NTN5: variants seen among roughly 807,000 people sequenced by gnomAD.
The protein encoded by NTN5 is netrin 5.
A neutral mutation model predicts 38.7 loss-of-function variants in NTN5; 42 were observed. That is an observed-to-expected ratio of 1.08 (90% CI 0.85 to 1.40). The LOEUF (loss-of-function observed/expected upper bound fraction) is 1.40. Ranked by LOEUF, NTN5 falls within the 40% of genes most tolerant of loss-of-function variation. NTN5 has a pLI of 0.00. For missense variants in NTN5, 658 were observed against 716.5 expected, an observed-to-expected ratio of 0.92 and a Z score of 0.93; for synonymous variants, 329 against 303.9, an observed-to-expected ratio of 1.08 and a Z score of -0.86.
At chr19:48,671,240 C>T (rs2031955306) in intron 1 of NTN5, among the ~76,000 whole-genome samples, 1 of 152,088 alleles carries the variant, frequency 6.6e-6, no homozygotes, top group African/African-American at 2.4e-5. Context: ...TAGCTTAACA[C>T]CCCAGAGTTA....
chr19:48,663,964 T>C, intron 4 of NTN5, 150 bp from the exon 5 acceptor site: 1 of 1,134,952 alleles, frequency 8.8e-7, no homozygotes, highest in South Asian at 1.5e-5. Flanking sequence ...GCCCCAAGCC[T>C]CCTTTTCCTC....
At position 48,661,874 on chromosome 19, in the gene NTN5, G is replaced by A. The variant is rs1350842554; in HGVS notation, c.1273C>T (p.Pro425Ser). The A allele has an allele frequency of 7.4e-7, 1 of 1,345,052 alleles. No individual in the cohort carries two copies. 83.3% of individuals were successfully genotyped at this position (1,345,052 alleles called of 1,614,324 possible). ...CCCAGCAGCAGGTAGTCGGTGCCTG[G>A]CTGCAGGCGCAGGCAGCCGCAGGTC... ...DLTCGCLRLQ[P>S]GTDYLLLGSA... The change falls in exon 7 of 7, where the codon CCA becomes TCA. Residue 425 changes from proline (P) to serine (S), a missense_variant. Transcript: ENST00000270235.
rs1444857934 is a variant in NTN5 at position 48,667,461 on chromosome 19, CT to C, written c.632-2695del. 32 of 321,906 alleles carry C rather than the reference CT, an allele frequency of 9.9e-5. No homozygotes were observed. The Admixed American group carries it at 1.2e-3, about 12-fold the overall frequency. The allele number at this position is 321,906 out of a possible 1,614,324, so 19.9% of individuals were successfully genotyped here. ...GATGAAGGCTGCCTCATCCTCAGGC[CT>C]GGTGAGTCTCACCCCTCACTCCCCT... On this transcript the variant is annotated intron_variant, in intron 2 of 6. Transcript: ENST00000270235.
chr19:48,668,982 A>C (rs1047077765), intron 2 of NTN5, among the ~76,000 whole-genome samples: 1 of 151,352 alleles, frequency 6.6e-6, no homozygotes. Context: ...CATCATCACC[A>C]CTATCACCAT....
intron 4 of NTN5, 56 bp from the exon 5 acceptor site, chr19:48,663,870 C>T: frequency 1.3e-6 from 2 of 1,554,640 alleles, no homozygotes; most frequent in South Asian, 1.1e-5. Context: ...GATCCCCTCG[C>T]CCCTGCCCCG....
rs1364081319 is a variant in NTN5 at position 48,664,786 on chromosome 19, G to T, written c.632-19C>A. 1 of 1,521,472 alleles carries T rather than the reference G, an allele frequency of 6.6e-7. No homozygotes were observed. The highest frequency in any genetic ancestry group is 8.8e-7 in the Non-Finnish European group (1 of 1,133,126). The allele number at this position is 1,521,472 out of a possible 1,614,324, so 94.2% of individuals were successfully genotyped here. A position where few individuals can be genotyped will look rare whatever the true frequency, so the allele number is the denominator to read the frequency against. On this transcript the variant is annotated intron_variant, in intron 2 of 6. Transcript: ENST00000270235. ...GAGCAGGCTAGGAGCAAAATGGGGT[G>T]GGGGCGCATCAGGGCCGAGTGTGCT...
At chr19:48,663,208 T>C in intron 6 of NTN5, 1 of 610,802 alleles carries the variant, frequency 1.6e-6, no homozygotes, top group South Asian at 1.5e-5. Flanking sequence ...GATGTCAGGC[T>C]GAAGGAGATG....
chr19:48,661,534 G>A lies in NTN5; in HGVS notation c.*143C>T. 1 of 1,046,584 alleles carries A rather than the reference G, an allele frequency of 9.6e-7. No homozygotes were observed. The highest frequency in any genetic ancestry group is 2.9e-4 in the Middle Eastern group (1 of 3,442). The allele number at this position is 1,046,584 out of a possible 1,614,324, so 64.8% of individuals were successfully genotyped here. On this transcript the variant is annotated 3_prime_UTR_variant, in exon 7 of 7. Coordinates refer to ENST00000270235, the MANE Select transcript of NTN5 (RefSeq NM_145807.4). Reference sequence around the variant, plus strand: ...CTTTTGCTAAAAGTTCCGCACGCCTGCTCGGCGTGGGCGCAAGCATAGTGT... The same window carrying A: ...CTTTTGCTAAAAGTTCCGCACGCCTACTCGGCGTGGGCGCAAGCATAGTGT...
In NTN5 at chr19:48,661,602, C is replaced by A. The variant is rs2031540182; in HGVS notation, c.*75G>T. 1.4e-6 allele frequency: 2 copies of A among 1,396,284 alleles called. No individual in the cohort carries two copies. The highest frequency in any genetic ancestry group is 3.0e-5 in the East Asian group (1 of 33,400). 86.5% of individuals were successfully genotyped at this position (1,396,284 alleles called of 1,614,324 possible). ...GTCTGATTGGCTCTCTGCAGTGCAC[C>A]GTCGAGGTAGAAGGCTCAGCTCCTA... On this transcript the variant is annotated 3_prime_UTR_variant, in exon 7 of 7. Transcript: ENST00000270235.
At position 48,664,574 on chromosome 19, in the gene NTN5, C is replaced by A; in HGVS notation, c.820+5G>T. ...CCCCCAGGCCTGTCTGCAGGCCACA[C>A]TCACCTCTGCAGGCCCTGCGGCTGA... On this transcript the variant is annotated splice_donor_5th_base_variant and intron_variant, in intron 3 of 6. Transcript: ENST00000270235. The A allele has an allele frequency of 6.2e-7, 1 of 1,605,508 alleles. No individual in the cohort carries two copies. The highest frequency in any genetic ancestry group is 1.1e-5 in the South Asian group (1 of 89,968).
intron 2 of NTN5, among the ~76,000 whole-genome samples, chr19:48,668,033 C>T (rs950649353): frequency 5.6e-4 from 85 of 152,118 alleles, no homozygotes; most frequent in African/African-American, 1.7e-3. Context: ...GGGTCAGGGC[C>T]GGAAGGAGCT....
rs35638493 is a variant in NTN5 at position 48,666,677 on chromosome 19, C to CT, written c.632-1911dup. 5.2e-3 allele frequency among the ~76,000 whole-genome samples: 215 copies of CT among 41,158 alleles called. 17 individuals are homozygous for CT. Among genetic ancestry groups the CT allele is most frequent in the Non-Finnish European group, 7.4e-3 (173 of 23,270 alleles). The allele number at this position is 41,158 out of a possible 152,430, so 27.0% of individuals were successfully genotyped here. On this transcript the variant is annotated intron_variant, in intron 2 of 6. Coordinates refer to ENST00000270235, the MANE Select transcript of NTN5 (RefSeq NM_145807.4). Reference sequence around the variant, plus strand: ...TGATACAGGGGGTTCACAGACCACTCTTTTTTTTTTTTTTTTTTTTTTTTT... The same window carrying CT: ...TGATACAGGGGGTTCACAGACCACTCTTTTTTTTTTTTTTTTTTTTTTTTTT...
chr19:48,667,869 A>G (rs2031745480), intron 2 of NTN5, among the ~76,000 whole-genome samples: 1 of 152,062 alleles, frequency 6.6e-6, no homozygotes, highest in South Asian at 2.1e-4. Flanking sequence ...AGAAAAAAAA[A>G]AGAAATAGAG....
At chr19:48,669,308 ACC>A (rs2031814301) in intron 2 of NTN5, among the ~76,000 whole-genome samples, 1 of 89,236 alleles carries the variant, frequency 1.1e-5, no homozygotes, top group Admixed American at 1.0e-4. Flanking sequence ...CACCACCACC[ACC>A]ATCACCACCA....
At chr19:48,664,910 CTAT>C (rs2031658670) in intron 2 of NTN5, 143 bp from the exon 3 acceptor site, 4 of 626,596 alleles carry the variant, frequency 6.4e-6, no homozygotes, top group Non-Finnish European at 9.8e-6. Context: ...CAGGACATCT[CTAT>C]TATTATCTTT....
At chr19:48,668,450 A>G (rs1452398366) in intron 2 of NTN5, among the ~76,000 whole-genome samples, 1 of 152,196 alleles carries the variant, frequency 6.6e-6, no homozygotes, top group Non-Finnish European at 1.5e-5. Context: ...GGGCACCAAA[A>G]GATTAGGTCA....
chr19:48,672,708 A>T (rs1488863085), intron 1 of NTN5, among the ~76,000 whole-genome samples: 1 of 152,098 alleles, frequency 6.6e-6, no homozygotes, highest in African/African-American at 2.4e-5. Flanking sequence ...CACCTTGAGG[A>T]ACCAGGCTGT....
At chr19:48,666,329 T>C (rs538309036) in intron 2 of NTN5, among the ~76,000 whole-genome samples, 5 of 152,194 alleles carry the variant, frequency 3.3e-5, no homozygotes, top group Admixed American at 3.3e-4. Context: ...TCTCAAACCT[T>C]ACTGCTCATC....
chr19:48,665,853 C>T (rs1463829665), intron 2 of NTN5, among the ~76,000 whole-genome samples: 1 of 152,038 alleles, frequency 6.6e-6, no homozygotes, highest in Admixed American at 6.6e-5. Flanking sequence ...GGGCTATGGC[C>T]TGTGGAATCA....
Sources: gnomAD v4.1 joint callset for allele counts (sites outside exome capture counted in the v4.1 genomes callset) on GRCh38, gnomAD v4.1.1 for gene constraint, MANE v1.5 for transcripts, NCBI Gene and HGNC (gene_info 2026-07-23, HGNC 2026-07-21) for gene names.